The following SLC35F3 variants were observed in gnomAD, a reference collection of about 807,000 sequenced individuals.
SLC35F3 encodes putative thiamine transporter SLC35F3.
A neutral mutation model predicts 49.9 loss-of-function variants in SLC35F3; 25 were observed. That is an observed-to-expected ratio of 0.50 (90% CI 0.37 to 0.70). SLC35F3 has a LOEUF of 0.70. Among genes scored for constraint, SLC35F3 ranks in the 30% least tolerant of loss-of-function variants. The pLI is 0.00. For missense variants in SLC35F3, 525 were observed against 639.8 expected, an observed-to-expected ratio of 0.82 and a Z score of 1.94; for synonymous variants, 275 against 265.4, an observed-to-expected ratio of 1.04 and a Z score of -0.35.
At chr1:234,112,102 AGGCAG>A (rs1260486397) in intron 2 of SLC35F3, among the ~76,000 whole-genome samples, 2 of 152,194 alleles carry the variant, frequency 1.3e-5, no homozygotes, top group Non-Finnish European at 2.9e-5. Context: ...GCACTTTGGG[AGGCAG>A]TGGCAGGAGG....
intron 3 of SLC35F3, among the ~76,000 whole-genome samples, chr1:234,274,839 T>G (rs912053078): frequency 1.3e-5 from 2 of 152,158 alleles, no homozygotes; most frequent in African/African-American, 4.8e-5. Context: ...ATTTCTGTCT[T>G]AAAAGTGGCA....
At chr1:234,094,884 CAT>C (rs530820552) in intron 2 of SLC35F3, among the ~76,000 whole-genome samples, 226 of 152,302 alleles carry the variant, frequency 1.5e-3, no homozygotes, top group Non-Finnish European at 2.7e-3. Flanking sequence ...CATGGGTAGA[CAT>C]GTGCACACAT....
At chr1:234,269,607 G>A (rs1379256002) in intron 3 of SLC35F3, among the ~76,000 whole-genome samples, 1 of 151,796 alleles carries the variant, frequency 6.6e-6, no homozygotes, top group African/African-American at 2.4e-5. Context: ...TAGTTTGGAT[G>A]TTTGTCCCCT....
chr1:234,298,278 G>A (rs972584704), intron 3 of SLC35F3, among the ~76,000 whole-genome samples: 3 of 152,152 alleles, frequency 2.0e-5, no homozygotes, highest in Non-Finnish European at 4.4e-5. Flanking sequence ...TGTCTGGGAA[G>A]GTCTCTGAAG....
At chr1:234,038,564 G>C (rs1664177682) in intron 2 of SLC35F3, among the ~76,000 whole-genome samples, 1 of 152,090 alleles carries the variant, frequency 6.6e-6, no homozygotes, top group Admixed American at 6.5e-5. Context: ...GGTTGAACTA[G>C]TTTACAGTCC....
At chr1:234,142,953 A>G (rs1338027473) in intron 2 of SLC35F3, among the ~76,000 whole-genome samples, 1 of 152,222 alleles carries the variant, frequency 6.6e-6, no homozygotes, top group African/African-American at 2.4e-5. Context: ...AAGGTGTACA[A>G]CATGATGTTT....
intron 2 of SLC35F3, among the ~76,000 whole-genome samples, chr1:234,053,319 C>T (rs1656335535): frequency 6.6e-6 from 1 of 152,096 alleles, no homozygotes; most frequent in South Asian, 2.1e-4. Flanking sequence ...AATCTGGGTG[C>T]TCCTGTATTG....
chr1:234,109,023 G>T (rs370347485), intron 2 of SLC35F3, among the ~76,000 whole-genome samples: 94 of 151,938 alleles, frequency 6.2e-4, no homozygotes, highest in Non-Finnish European at 1.2e-3. Context: ...TCAGGGAGTG[G>T]AGTATTCTAC....
intron 2 of SLC35F3, among the ~76,000 whole-genome samples, chr1:234,134,822 C>T (rs1054929371): frequency 6.6e-6 from 1 of 152,102 alleles, no homozygotes; most frequent in Non-Finnish European, 1.5e-5. Context: ...CACAGGTTCA[C>T]GCCATTCTCC....
intron 2 of SLC35F3, among the ~76,000 whole-genome samples, chr1:233,924,204 GT>G (rs1662117792): frequency 6.6e-6 from 1 of 152,168 alleles, no homozygotes; most frequent in South Asian, 2.1e-4. Context: ...GATTGGAATA[GT>G]TTTAGAAGGA....
At position 234,232,539 on chromosome 1, in the gene SLC35F3, AAG is replaced by A. The variant is rs1553317249; in HGVS notation, c.608+800_608+801del. 4.3e-3 allele frequency among the ~76,000 whole-genome samples: 631 copies of A among 146,838 alleles called. 5 individuals are homozygous for A. The highest frequency in any genetic ancestry group is 0.015 in the African/African-American group (572 of 38,876). ...CTAGTCAAAAAAAAAAAAAAAAAAA[AAG>A]AAAAAGAAAAAAAGAAACAGAAATG... On this transcript the variant is annotated intron_variant, in intron 3 of 7. Coordinates refer to ENST00000366618, the MANE Select transcript of SLC35F3 (RefSeq NM_173508.4).
Position 234,055,742 on chromosome 1 carries a change from G to A in SLC35F3, c.283+149984G>A, listed in dbSNP as rs150148362. ...CCCATCTTCTGCGTCGCTCACACTG[G>A]GAGCTGTAGACTGGAGCTGTTCCTA... is the stretch of plus-strand genomic sequence containing the variant. On this transcript the variant is annotated intron_variant, in intron 2 of 7. Transcript: ENST00000366618. 8.1e-3 allele frequency among the ~76,000 whole-genome samples: 1,226 copies of A among 152,262 alleles called. 10 individuals are homozygous for A. Among genetic ancestry groups the A allele is most frequent in the Middle Eastern group, 0.014 (4 of 294 alleles).
chr1:234,131,962 C>T (rs879731316), intron 2 of SLC35F3, among the ~76,000 whole-genome samples: 5 of 152,198 alleles, frequency 3.3e-5, no homozygotes, highest in South Asian at 2.1e-4. Flanking sequence ...GTATAAACTT[C>T]GGGGAGTGGA....
intron 2 of SLC35F3, among the ~76,000 whole-genome samples, chr1:234,132,507 C>T (rs1222669240): frequency 6.6e-6 from 1 of 152,202 alleles, no homozygotes; most frequent in Non-Finnish European, 1.5e-5. Flanking sequence ...TGCTCATTTC[C>T]CTGCACTTTC....
rs34569981 is a variant in SLC35F3 at position 234,084,220 on chromosome 1, G to GACACACACAC, written c.284-147175_284-147166dup. On this transcript the variant is annotated intron_variant, in intron 2 of 7. Coordinates refer to ENST00000366618, the MANE Select transcript of SLC35F3 (RefSeq NM_173508.4). ...TGGTCACTGTTGGTGATAAGGAATA[G>GACACACACAC]ACACACACACACACACACACACACA... 4.0e-3 allele frequency among the ~76,000 whole-genome samples: 590 copies of GACACACACAC among 148,310 alleles called. 3 individuals are homozygous for GACACACACAC. Among genetic ancestry groups the GACACACACAC allele is most frequent in the African/African-American group, 0.013 (519 of 40,476 alleles).
At chr1:234,318,040 A>T (rs1469607841) in intron 5 of SLC35F3, among the ~76,000 whole-genome samples, 1 of 152,204 alleles carries the variant, frequency 6.6e-6, no homozygotes, top group East Asian at 1.9e-4. Context: ...AAATGGCTGA[A>T]CCAAGGAGAA....
At chr1:234,285,064 G>C (rs1668398963) in intron 3 of SLC35F3, 1 of 215,756 alleles carries the variant, frequency 4.6e-6, no homozygotes, top group African/African-American at 2.4e-5. Flanking sequence ...GGGCCACAGG[G>C]GAACCCTGCA....
At chr1:234,295,315 GGGTAGCTCTGTGA>G (rs1558101596) in intron 3 of SLC35F3, among the ~76,000 whole-genome samples, 1 of 152,220 alleles carries the variant, frequency 6.6e-6, no homozygotes, top group Non-Finnish European at 1.5e-5. Flanking sequence ...AATATCTGTG[GGGTAGCTCTGTGA>G]GATAGCTCAT....
chr1:234,147,128 A>C (rs1479141636), intron 2 of SLC35F3, among the ~76,000 whole-genome samples: 1 of 151,940 alleles, frequency 6.6e-6, no homozygotes, highest in Non-Finnish European at 1.5e-5. Context: ...CTTTGTCTTT[A>C]ATGTTGGTAA....
Sources: gnomAD v4.1 joint callset for allele counts (sites outside exome capture counted in the v4.1 genomes callset) on GRCh38, gnomAD v4.1.1 for gene constraint, MANE v1.5 for transcripts, NCBI Gene and HGNC (gene_info 2026-07-23, HGNC 2026-07-21) for gene names.